The following ADORA2B variants were observed in gnomAD, a reference collection of about 807,000 sequenced individuals.
The protein encoded by ADORA2B is adenosine receptor A2b.
Under a neutral mutation model 20.8 loss-of-function variants are expected in ADORA2B, and 18 were observed. That is an observed-to-expected ratio of 0.87 (90% CI 0.60 to 1.29). The LOEUF (loss-of-function observed/expected upper bound fraction) is 1.29, where lower values mean the gene tolerates loss of function less well. Among genes scored for constraint, ADORA2B ranks in the 50% most tolerant of loss-of-function variants. The pLI is 0.00. For missense variants in ADORA2B, 441 were observed against 422.7 expected, an observed-to-expected ratio of 1.04 and a Z score of -0.38; for synonymous variants, 179 against 178.3, an observed-to-expected ratio of 1.00 and a Z score of -0.03.
chr17:15,853,801 A>G, the ADORA2B span, among the ~76,000 whole-genome samples: 3 of 152,214 alleles, frequency 2.0e-5, no homozygotes, highest in African/African-American at 4.8e-5. Flanking sequence ...ACTTTCTTAG[A>G]TCATTTAAGA....
the ADORA2B span, among the ~76,000 whole-genome samples, chr17:15,912,930 T>C: frequency 6.6e-6 from 1 of 152,346 alleles, no homozygotes; most frequent in Non-Finnish European, 1.5e-5. Flanking sequence ...TTCAGGCCAC[T>C]TAGTTGCACT....
the ADORA2B span, among the ~76,000 whole-genome samples, chr17:15,896,359 G>A: frequency 1.3e-5 from 2 of 152,016 alleles, no homozygotes; most frequent in Non-Finnish European, 2.9e-5. Flanking sequence ...CCACAAGGAA[G>A]GAATGATTCT....
intron 1 of ADORA2B, among the ~76,000 whole-genome samples, chr17:15,946,719 G>A (rs1969811354): frequency 6.6e-6 from 1 of 152,262 alleles, no homozygotes; most frequent in South Asian, 2.1e-4. Context: ...GCCCAGGGAG[G>A]TTGGAGTCTT....
At chr17:15,892,076 G>C in the ADORA2B span, among the ~76,000 whole-genome samples, 1 of 150,756 alleles carries the variant, frequency 6.6e-6, no homozygotes, top group African/African-American at 2.4e-5. Context: ...GGCCAGGCTG[G>C]TCTTGAACTC....
chr17:15,923,379 ATG>A, the ADORA2B span, among the ~76,000 whole-genome samples: 3 of 132,382 alleles, frequency 2.3e-5, no homozygotes, highest in African/African-American at 5.9e-5. Flanking sequence ...CTCTCTCTCT[ATG>A]TGTGTGTGTA....
chr17:15,885,590 T>C, the ADORA2B span, among the ~76,000 whole-genome samples: 1 of 152,076 alleles, frequency 6.6e-6, no homozygotes, highest in Non-Finnish European at 1.5e-5. Flanking sequence ...GGCATGTGCC[T>C]GTAGTCCCAG....
the ADORA2B span, among the ~76,000 whole-genome samples, chr17:15,851,696 G>A: frequency 6.6e-6 from 1 of 152,166 alleles, no homozygotes; most frequent in Non-Finnish European, 1.5e-5. Flanking sequence ...ACACCCCTTA[G>A]CTTTCCAGTC....
rs754537309 is a variant in ADORA2B, at chr17:15,974,792, C to G, written c.449C>G (p.Ala150Gly). ...CTGGGGTGGAACAGTAAAGACAGTG[C>G]CACCAACAACTGCACAGAACCCTGG... Reference protein sequence around the residue: ...PFLGWNSKDSATNNCTEPWDG... With the variant: ...PFLGWNSKDSGTNNCTEPWDG... Residue 150 changes from alanine to glycine, a missense_variant, in exon 2 of 2, where the codon GCC (alanine) becomes GGC (glycine). By Grantham distance (60) the Ala-to-Gly change is moderately conservative. Coordinates refer to ENST00000304222, the MANE Select transcript of ADORA2B (RefSeq NM_000676.4). The G allele has an allele frequency of 6.2e-7, 1 of 1,613,402 alleles. No individual in the cohort carries two copies. The highest frequency in any genetic ancestry group is 2.2e-5 in the East Asian group (1 of 44,828).
At chr17:15,932,158 A>G in the ADORA2B span, among the ~76,000 whole-genome samples, 3 of 152,152 alleles carry the variant, frequency 2.0e-5, no homozygotes, top group Non-Finnish European at 4.4e-5. Context: ...AGTTCAGTGT[A>G]TCTAATTTTT....
chr17:15,862,364 T>C, the ADORA2B span, among the ~76,000 whole-genome samples: 1 of 151,338 alleles, frequency 6.6e-6, no homozygotes, highest in African/African-American at 2.4e-5. Context: ...TATAAAGGCA[T>C]GCACCATGAC....
chr17:15,941,528 G>C (rs1314579425), upstream of ADORA2B, among the ~76,000 whole-genome samples: 1 of 152,054 alleles, frequency 6.6e-6, no homozygotes, highest in Non-Finnish European at 1.5e-5. Flanking sequence ...AGGGGTTCAA[G>C]ACCAGCCTGG....
the ADORA2B span, among the ~76,000 whole-genome samples, chr17:15,890,460 TTTTATTTATTTA>T: frequency 2.0e-3 from 166 of 83,344 alleles, 15 homozygotes; most frequent in East Asian, 0.013. Flanking sequence ...CATTCCTTTC[TTTTATTTATTTA>T]TTTATTTATT....
chr17:15,970,832 A>T (rs1390839388), intron 1 of ADORA2B, among the ~76,000 whole-genome samples: 1 of 152,184 alleles, frequency 6.6e-6, no homozygotes, highest in Non-Finnish European at 1.5e-5. Flanking sequence ...CTTTGTCTCC[A>T]GGCTTGTCCC....
Position 15,974,931 on chromosome 17 carries a change from T to A in ADORA2B, c.588T>A (p.Leu196=), listed in dbSNP as rs1467053033. Residue 196 remains leucine (L), a synonymous_variant, in exon 2 of 2, where the codon CTT becomes CTA. Coordinates refer to ENST00000304222, the MANE Select transcript of ADORA2B (RefSeq NM_000676.4). ...TTGGGTGTGTTCTGCCCCCACTGCT[T>A]ATAATGCTGGTGATCTACATTAAGA... ...NFFGCVLPPL[L]IMLVIYIKIF... 1 of 1,614,126 alleles carries A rather than the reference T, an allele frequency of 6.2e-7. No individual in the cohort carries two copies. Among genetic ancestry groups the A allele is most frequent in the East Asian group, 2.2e-5 (1 of 44,864 alleles).
At chr17:15,907,211 A>G in the ADORA2B span, among the ~76,000 whole-genome samples, 1 of 144,922 alleles carries the variant, frequency 6.9e-6, no homozygotes, top group Non-Finnish European at 1.5e-5. Flanking sequence ...TATACTGTGA[A>G]AGTGTTTTTT....
At chr17:15,890,182 A>G in the ADORA2B span, among the ~76,000 whole-genome samples, 9 of 129,928 alleles carry the variant, frequency 6.9e-5, 3 homozygotes, top group African/African-American at 2.9e-4. Flanking sequence ...CTATGGATAA[A>G]GAGTCTTTTT....
At chr17:15,875,120 A>G in the ADORA2B span, among the ~76,000 whole-genome samples, 1 of 152,064 alleles carries the variant, frequency 6.6e-6, no homozygotes, top group Admixed American at 6.6e-5. Flanking sequence ...CAAAATTTGT[A>G]ACAGTTTTTT....
intron 1 of ADORA2B, among the ~76,000 whole-genome samples, chr17:15,971,712 A>C (rs1048070615): frequency 2.1e-5 from 3 of 143,422 alleles, no homozygotes; most frequent in Non-Finnish European, 4.5e-5. Flanking sequence ...GGCTCACTGC[A>C]TCCTCTGCCT....
At chr17:15,925,544 A>G in the ADORA2B span, among the ~76,000 whole-genome samples, 3 of 152,234 alleles carry the variant, frequency 2.0e-5, no homozygotes, top group Non-Finnish European at 4.4e-5. Flanking sequence ...CTTCATTGTT[A>G]GGTTGCATGA....
Sources: gnomAD v4.1 joint callset for allele counts (sites outside exome capture counted in the v4.1 genomes callset) on GRCh38, gnomAD v4.1.1 for gene constraint, MANE v1.5 for transcripts, NCBI Gene and HGNC (gene_info 2026-07-23, HGNC 2026-07-21) for gene names.